The following BCLAF3 variants were observed in gnomAD, a reference collection of about 807,000 sequenced individuals.
The protein encoded by BCLAF3 is BCLAF1 and THRAP3 family member 3.
In BCLAF3, 24 loss-of-function variants were observed where a neutral mutation model predicts 51.2. The observed-to-expected ratio is 0.47, with a 90% CI of 0.34 to 0.66. The LOEUF (loss-of-function observed/expected upper bound fraction) is 0.66, where lower values mean the gene tolerates loss of function less well. Ranked by LOEUF, BCLAF3 falls within the 30% of genes least tolerant of loss-of-function variation. The pLI is 0.01. For missense variants in BCLAF3, 465 were observed against 525.1 expected (o/e 0.89, Z 1.12); for synonymous variants, 152 against 176.6 (o/e 0.86, Z 1.10).
At chrX:19,930,632 A>T (rs1426742172) in intron 10 of BCLAF3, 2 of 219,597 alleles carry the variant, frequency 9.1e-6, no homozygotes, top group Non-Finnish European at 1.8e-5. Context: ...ACCACACTCC[A>T]GTCTGGGTGA....
Position 19,917,265 on chromosome X carries a change from C to T in BCLAF3, c.*40G>A, listed in dbSNP as rs1205219732. The T allele has an allele frequency of 2.6e-6, 3 of 1,169,680 alleles. No homozygotes were observed. The highest frequency in any genetic ancestry group is 3.5e-6 in the Non-Finnish European group (3 of 859,181). On this transcript the variant is annotated 3_prime_UTR_variant, in exon 12 of 12. Transcript: ENST00000379682. ...ACAAAAAGAGAGAGATGCTCCCAAACATCCTCCTGTAGCGTCATTTCCATT... is the reference window on the plus strand; with the variant it reads ...ACAAAAAGAGAGAGATGCTCCCAAATATCCTCCTGTAGCGTCATTTCCATT...
intron 11 of BCLAF3, among the ~76,000 whole-genome samples, chrX:19,927,287 G>A (rs2070390854): frequency 9.0e-6 from 1 of 111,428 alleles, no homozygotes; most frequent in Admixed American, 9.6e-5. Context: ...CACACATGGT[G>A]AAATTAGAAA....
At chrX:19,924,533 A>G (rs1397397734) in intron 11 of BCLAF3, among the ~76,000 whole-genome samples, 3 of 110,612 alleles carry the variant, frequency 2.7e-5, no homozygotes, top group Non-Finnish European at 3.8e-5. Context: ...TTCCTGTTCT[A>G]TTTTCGTACT....
At chrX:19,932,216 G>A (rs1342864455) in intron 10 of BCLAF3, among the ~76,000 whole-genome samples, 1 of 111,987 alleles carries the variant, frequency 8.9e-6, no homozygotes, top group Non-Finnish European at 1.9e-5. Context: ...AGACAACCTA[G>A]TTACATGTAA....
chrX:19,953,103 C>A, intron 6 of BCLAF3, 52 bp from the exon 7 acceptor site: 1 of 935,439 alleles, frequency 1.1e-6, no homozygotes, highest in Non-Finnish European at 1.5e-6. Flanking sequence ...TACACTGATA[C>A]CCTGATTCTA....
At chrX:19,938,884 T>C (rs918811181) in intron 8 of BCLAF3, among the ~76,000 whole-genome samples, 2 of 112,498 alleles carry the variant, frequency 1.8e-5, no homozygotes, top group East Asian at 5.6e-4. Context: ...CTCCCTGCTA[T>C]GTGCCCATGT....
intron 1 of BCLAF3, among the ~76,000 whole-genome samples, chrX:19,978,524 A>G (rs2072504534): frequency 1.8e-5 from 2 of 112,443 alleles, no homozygotes; most frequent in Admixed American, 1.9e-4. Context: ...ACTTGGATGT[A>G]TGCAGAGTTG....
intron 1 of BCLAF3, among the ~76,000 whole-genome samples, chrX:19,981,634 A>T (rs1440827493): frequency 8.9e-6 from 1 of 112,292 alleles, no homozygotes. Context: ...GTATACAAAT[A>T]TCCATAGGAG....
intron 1 of BCLAF3, among the ~76,000 whole-genome samples, chrX:19,984,876 G>A (rs991839566): frequency 1.8e-5 from 2 of 110,957 alleles, no homozygotes; most frequent in Admixed American, 9.6e-5. Flanking sequence ...TAGTAGAGAC[G>A]GGGTTTCTCC....
Position 19,940,276 on chromosome X carries a change from ATT to A in BCLAF3, c.1746-2746_1746-2745del, listed in dbSNP as rs200568773. 3.3e-3 allele frequency among the ~76,000 whole-genome samples: 336 copies of A among 101,361 alleles called. 3 individuals carry two copies. The highest frequency in any genetic ancestry group is 1.0e-2 in the African/African-American group (276 of 27,667). 88.0% of individuals were successfully genotyped at this position (101,361 alleles called of 115,157 possible). On this transcript the variant is annotated intron_variant, in intron 8 of 11. Transcript: ENST00000379682. ...GTCTTTATTTTTTATTTATTTATTT[ATT>A]TTTTTTTTTTTATTATACTTTAAGT...
chrX:19,928,337 C>T, intron 11 of BCLAF3, among the ~76,000 whole-genome samples: 1 of 110,092 alleles, frequency 9.1e-6, no homozygotes, highest in East Asian at 2.9e-4. Context: ...ATTCCCAGCA[C>T]TTTGGGAGGC....
chrX:19,983,587 C>T (rs752953601), intron 1 of BCLAF3, among the ~76,000 whole-genome samples: 30 of 110,462 alleles, frequency 2.7e-4, no homozygotes, highest in Non-Finnish European at 4.9e-4. Context: ...TGGTGGCATG[C>T]GCCTACGGTC....
chrX:19,970,961 C>T (rs2072237089), intron 1 of BCLAF3, among the ~76,000 whole-genome samples: 1 of 112,388 alleles, frequency 8.9e-6, no homozygotes, highest in South Asian at 3.7e-4. Flanking sequence ...AATACAAGCA[C>T]TACTACTTTC....
chrX:19,982,555 ACACAC>A (rs2072648549), intron 1 of BCLAF3, among the ~76,000 whole-genome samples: 1 of 61,390 alleles, frequency 1.6e-5, no homozygotes, highest in African/African-American at 2.6e-4. Context: ...AATTTCACAC[ACACAC>A]ACACACACAC....
chrX:19,939,605 G>A, intron 8 of BCLAF3, among the ~76,000 whole-genome samples: 1 of 111,510 alleles, frequency 9.0e-6, no homozygotes, highest in East Asian at 2.8e-4. Context: ...CCAAAAAGAT[G>A]ACAATACCAA....
intron 10 of BCLAF3, among the ~76,000 whole-genome samples, chrX:19,934,146 A>C (rs1055261606): frequency 1.8e-5 from 2 of 112,383 alleles, no homozygotes; most frequent in African/African-American, 6.5e-5. Flanking sequence ...TACACTTCTA[A>C]GCATTCATGT....
chrX:19,950,520 CGAA>C (rs2071443306), intron 8 of BCLAF3, among the ~76,000 whole-genome samples: 1 of 112,298 alleles, frequency 8.9e-6, no homozygotes, highest in Admixed American at 9.4e-5. Context: ...ATCAGAATTA[CGAA>C]GACCTCAAAT....
At chrX:19,946,140 G>A (rs1312523238) in intron 8 of BCLAF3, among the ~76,000 whole-genome samples, 2 of 111,132 alleles carry the variant, frequency 1.8e-5, no homozygotes, top group African/African-American at 3.3e-5. Flanking sequence ...GCTCGCGCCC[G>A]GTGCGCGCAC....
chrX:19,956,701 T>C (rs1324188732), intron 4 of BCLAF3, among the ~76,000 whole-genome samples: 3 of 111,471 alleles, frequency 2.7e-5, no homozygotes, highest in East Asian at 5.6e-4. Context: ...TAAATTGCTT[T>C]TGGCTCTTCT....
Sources: gnomAD v4.1 joint callset for allele counts (sites outside exome capture counted in the v4.1 genomes callset) on GRCh38, gnomAD v4.1.1 for gene constraint, MANE v1.5 for transcripts, NCBI Gene and HGNC (gene_info 2026-07-23, HGNC 2026-07-21) for gene names.